FAM234B: variants seen among roughly 807,000 people sequenced by gnomAD.
FAM234B encodes protein FAM234B.
Under a neutral mutation model 69.3 loss-of-function variants are expected in FAM234B, and 33 were observed. The observed-to-expected ratio is 0.48, with a 90% CI of 0.36 to 0.64. The LOEUF is 0.64. Among genes scored for constraint, FAM234B ranks in the 30% least tolerant of loss-of-function variants. The probability of loss-of-function intolerance (pLI) is 0.00; values close to 1 mark genes in which losing one functional copy is unlikely to be tolerated. For missense variants in FAM234B, 697 were observed against 769.7 expected, an observed-to-expected ratio of 0.91 and a Z score of 1.12; for synonymous variants, 306 against 306.9, an observed-to-expected ratio of 1.00 and a Z score of 0.03.
At chr12:13,057,077 A>G (rs1864938211) in intron 2 of FAM234B, among the ~76,000 whole-genome samples, 1 of 148,880 alleles carries the variant, frequency 6.7e-6, no homozygotes. Flanking sequence ...TCCCGCGTTC[A>G]GGTGATTTTT....
At chr12:13,053,153 G>A (rs1042636367) in intron 1 of FAM234B, among the ~76,000 whole-genome samples, 12 of 151,900 alleles carry the variant, frequency 7.9e-5, no homozygotes, top group Non-Finnish European at 1.2e-4. Context: ...TATTTATTGG[G>A]CAAAATGTAT....
chr12:13,075,271 A>G (rs1307758567), intron 10 of FAM234B, among the ~76,000 whole-genome samples: 1 of 152,120 alleles, frequency 6.6e-6, no homozygotes, highest in Non-Finnish European at 1.5e-5. Context: ...GTGAAAGGAA[A>G]TATCTTTGGC....
chr12:13,072,829 A>G (rs1865121683), intron 10 of FAM234B, among the ~76,000 whole-genome samples: 1 of 152,212 alleles, frequency 6.6e-6, no homozygotes, highest in South Asian at 2.1e-4. Context: ...CCATCCCTAA[A>G]GAACTGAGGG....
intron 1 of FAM234B, among the ~76,000 whole-genome samples, chr12:13,051,324 T>C (rs1864873994): frequency 6.6e-6 from 1 of 152,238 alleles, no homozygotes. Context: ...AAGTGTTTTA[T>C]TAATGATTTC....
intron 4 of FAM234B, 65 bp downstream of exon 4, chr12:13,061,828 T>C: frequency 1.4e-6 from 2 of 1,458,734 alleles, no homozygotes; most frequent in South Asian, 2.5e-5. Context: ...TAGAATAATC[T>C]GTTGGGTAGG....
intron 11 of FAM234B, 41 bp downstream of exon 11, chr12:13,076,184 TG>T: frequency 1.4e-6 from 2 of 1,406,430 alleles, no homozygotes; most frequent in Non-Finnish European, 1.0e-6. Context: ...ACGCAGATGG[TG>T]GGAGAGTATG....
At position 13,067,093 on chromosome 12, in the gene FAM234B, C is replaced by T. The variant is rs781557871; in HGVS notation, c.1001-62C>T. 517 of 1,593,116 alleles carry T rather than the reference C, an allele frequency of 3.2e-4. 3 individuals carry two copies. Among genetic ancestry groups the T allele is most frequent in the Non-Finnish European group, 4.0e-4 (470 of 1,164,020 alleles). ...CAGGCTCTGTGTCTCTTGCTCAGAT[C>T]CTCACCATGGGACAGTTCTGTTAAA... On this transcript the variant is annotated intron_variant, in intron 6 of 12. Transcript: ENST00000197268. This position sits in a 1 kb window ranked among gnomAD's most constrained non-coding sequence, Gnocchi z 4.7.
chr12:13,054,746 G>T (rs1395769247), intron 1 of FAM234B, among the ~76,000 whole-genome samples: 1 of 152,186 alleles, frequency 6.6e-6, no homozygotes, highest in East Asian at 1.9e-4. Context: ...AGGGGTGGGT[G>T]GCTTGGGAGG....
Position 13,081,451 on chromosome 12 carries a change from G to C in FAM234B, c.*821G>C, listed in dbSNP as rs905670407. 2.0e-5 allele frequency: 3 copies of C among 152,418 alleles called. No individual in the cohort carries two copies. Among genetic ancestry groups the C allele is most frequent in the Admixed American group, 1.3e-4 (2 of 15,298 alleles). The allele number at this position is 152,418 out of a possible 1,614,324, so 9.4% of individuals were successfully genotyped here. On this transcript the variant is annotated 3_prime_UTR_variant, in exon 13 of 13. Coordinates refer to ENST00000197268, the MANE Select transcript of FAM234B (RefSeq NM_020853.2). Reference sequence around the variant, plus strand: ...TGATCTTTTTTCTGTGGCGACATCAGAAGTGTATGTTTGCATGCTGTCTTC... The same window carrying C: ...TGATCTTTTTTCTGTGGCGACATCACAAGTGTATGTTTGCATGCTGTCTTC...
chr12:13,058,837 A>G (rs1278947635), intron 3 of FAM234B, among the ~76,000 whole-genome samples: 1 of 152,236 alleles, frequency 6.6e-6, no homozygotes, highest in African/African-American at 2.4e-5. Flanking sequence ...TTTGCAACGA[A>G]CAGTGTTAGT....
At chr12:13,048,999 C>T (rs1340367685) in intron 1 of FAM234B, among the ~76,000 whole-genome samples, 2 of 152,176 alleles carry the variant, frequency 1.3e-5, no homozygotes, top group African/African-American at 4.8e-5. Context: ...AGTTATCTCC[C>T]ACTGGGTCCC....
At chr12:13,053,476 C>T (rs1468484386) in intron 1 of FAM234B, among the ~76,000 whole-genome samples, 1 of 152,104 alleles carries the variant, frequency 6.6e-6, no homozygotes, top group Admixed American at 6.5e-5. Context: ...AATTTTATAG[C>T]TGGGCCTCTG....
chr12:13,044,395 G>A lies in FAM234B; in HGVS notation c.-9G>A, dbSNP rs1187025913. On this transcript the variant is annotated 5_prime_UTR_variant, in exon 1 of 13. Coordinates refer to ENST00000197268, the MANE Select transcript of FAM234B (RefSeq NM_020853.2). The surrounding 1 kb of genome is among the most constrained non-coding windows in gnomAD (Gnocchi z 5.6). ...CGCGGGCGCGCGCACGCGCACCGGG[G>A]CCTCAGCCATGGCGACCGTGCTGTC... 1.6e-5 allele frequency: 25 copies of A among 1,551,154 alleles called. No homozygotes were observed. The highest frequency in any genetic ancestry group is 1.8e-4 in the Middle Eastern group (1 of 5,604).
At position 13,076,016 on chromosome 12, in the gene FAM234B, T is replaced by C. The variant is rs539897299; in HGVS notation, c.1525-10T>C. 3.2e-5 allele frequency: 51 copies of C among 1,601,358 alleles called. 1 individual carries two copies. In the South Asian group the frequency reaches 5.1e-4, roughly 16 times the overall value. Reference sequence around the variant, plus strand: ...TACCTTTGCTCTTCCTTTTTGCTGCTTATTATCAGGATATCATCCTAGGAA... The same window carrying C: ...TACCTTTGCTCTTCCTTTTTGCTGCCTATTATCAGGATATCATCCTAGGAA... On this transcript the variant is annotated splice_polypyrimidine_tract_variant and intron_variant, in intron 10 of 12. Coordinates refer to ENST00000197268, the MANE Select transcript of FAM234B (RefSeq NM_020853.2).
At chr12:13,049,084 C>T (rs1453427670) in intron 1 of FAM234B, among the ~76,000 whole-genome samples, 3 of 152,308 alleles carry the variant, frequency 2.0e-5, no homozygotes. Flanking sequence ...CAAACCACAT[C>T]CGCTAATTAC....
At chr12:13,069,042 A>G (rs1209164511) in intron 9 of FAM234B, among the ~76,000 whole-genome samples, 6 of 152,306 alleles carry the variant, frequency 3.9e-5, no homozygotes, top group East Asian at 1.9e-4. Context: ...ACACAGCTAT[A>G]CCTAAGATTT....
At chr12:13,057,167 G>A (rs189631901) in intron 2 of FAM234B, among the ~76,000 whole-genome samples, 1 of 151,980 alleles carries the variant, frequency 6.6e-6, no homozygotes. Context: ...CAGTAGAGAC[G>A]GGGTTTTGCC....
intron 1 of FAM234B, among the ~76,000 whole-genome samples, chr12:13,049,226 C>A (rs914631520): frequency 6.6e-6 from 1 of 152,228 alleles, no homozygotes; most frequent in Non-Finnish European, 1.5e-5. Context: ...GTCGCCCAGG[C>A]TGGAGTGCAG....
chr12:13,052,462 AATAC>A (rs1864886193), intron 1 of FAM234B, among the ~76,000 whole-genome samples: 1 of 152,130 alleles, frequency 6.6e-6, no homozygotes, highest in East Asian at 1.9e-4. Context: ...ATTGTCAAAA[AATAC>A]ATACACCATA....
Sources: gnomAD v4.1 joint callset for allele counts (sites outside exome capture counted in the v4.1 genomes callset) on GRCh38, gnomAD v4.1.1 for gene constraint, Gnocchi (gnomAD v3.1) non-coding constraint, MANE v1.5 for transcripts, NCBI Gene and HGNC (gene_info 2026-07-23, HGNC 2026-07-21) for gene names.